Variants in TMEM132D observed in about 807,000 individuals in gnomAD.
The protein encoded by TMEM132D is mature OL transmembrane protein.
A neutral mutation model predicts 62.3 loss-of-function variants in TMEM132D; 21 were observed. The ratio of observed to expected loss-of-function variants is 0.34; its 90% confidence interval spans 0.24 to 0.49. The LOEUF (loss-of-function observed/expected upper bound fraction) is 0.49. TMEM132D is among the 20% of genes least tolerant of loss of function. TMEM132D has a pLI of 0.99. For synonymous variants in TMEM132D, 621 were observed against 575.6 expected (o/e 1.08, Z -1.13); for missense variants, 1,346 against 1,402.8 (o/e 0.96, Z 0.65).
At chr12:129,375,056 G>C (rs541804664) in intron 3 of TMEM132D, among the ~76,000 whole-genome samples, 2 of 152,310 alleles carry the variant, frequency 1.3e-5, no homozygotes, top group East Asian at 3.9e-4. Context: ...CAGACCAGAG[G>C]AATTTTCAAA....
At chr12:129,103,027 A>C (rs992003945) in intron 5 of TMEM132D, among the ~76,000 whole-genome samples, 35 of 152,358 alleles carry the variant, frequency 2.3e-4, no homozygotes, top group Admixed American at 1.8e-3. Flanking sequence ...TTACGAAAGT[A>C]AACATCGTGG....
At chr12:129,784,880 G>T (rs879760556) in intron 1 of TMEM132D, among the ~76,000 whole-genome samples, 2 of 152,124 alleles carry the variant, frequency 1.3e-5, no homozygotes, top group African/African-American at 2.4e-5. Context: ...ATGCACACAG[G>T]CAATTTTCTG....
At chr12:129,714,606 G>A (rs1593131744) in intron 1 of TMEM132D, among the ~76,000 whole-genome samples, 1 of 152,288 alleles carries the variant, frequency 6.6e-6, no homozygotes, top group East Asian at 1.9e-4. Context: ...ATCTGCTAAA[G>A]TATCAGATCA....
Position 129,073,787 on chromosome 12 carries a change from T to C in TMEM132D, c.*88A>G. The C allele has an allele frequency of 8.2e-7, 1 of 1,215,034 alleles. No individual in the cohort carries two copies. The highest frequency in any genetic ancestry group is 1.2e-6 in the Non-Finnish European group (1 of 864,142). 75.3% of individuals were successfully genotyped at this position (1,215,034 alleles called of 1,614,324 possible). On this transcript the variant is annotated 3_prime_UTR_variant, in exon 9 of 9. Coordinates refer to ENST00000422113, the MANE Select transcript of TMEM132D (RefSeq NM_133448.3). Reference sequence around the variant, plus strand: ...GTCATCCTTATTTTGTCCTGCTGCTTTGTTTCTCTTCCGGGGGCACCGTTG... The same window carrying C: ...GTCATCCTTATTTTGTCCTGCTGCTCTGTTTCTCTTCCGGGGGCACCGTTG...
chr12:129,385,417 C>A (rs1222162846), intron 3 of TMEM132D, among the ~76,000 whole-genome samples: 2 of 151,978 alleles, frequency 1.3e-5, no homozygotes, highest in African/African-American at 4.8e-5. Flanking sequence ...TAAAGTGCTT[C>A]TTAAACATAC....
At chr12:129,132,030 T>C (rs1487689155) in intron 5 of TMEM132D, among the ~76,000 whole-genome samples, 3 of 152,206 alleles carry the variant, frequency 2.0e-5, no homozygotes, top group Admixed American at 6.5e-5. Context: ...AAAGTAATTA[T>C]CTCTATTTAC....
Position 129,383,528 on chromosome 12 carries a change from C to T in TMEM132D, c.1116-45711G>A, listed in dbSNP as rs150103153. Reference sequence around the variant, plus strand: ...GGAGTGGTGTGATCTTGGCTCACTGCACCCTCTGCCTCCTGGGTTCTGGTG... The same window carrying T: ...GGAGTGGTGTGATCTTGGCTCACTGTACCCTCTGCCTCCTGGGTTCTGGTG... On this transcript the variant is annotated intron_variant, in intron 3 of 8. Transcript: ENST00000422113. Among the ~76,000 whole-genome samples the T allele has an allele frequency of 7.5e-3, 1,140 of 152,290 alleles. 16 individuals carry two copies. The highest frequency in any genetic ancestry group is 0.026 in the African/African-American group (1,073 of 41,554).
chr12:129,179,267 T>C (rs907490879), intron 5 of TMEM132D, among the ~76,000 whole-genome samples: 3 of 152,278 alleles, frequency 2.0e-5, no homozygotes, highest in Middle Eastern at 3.4e-3. Flanking sequence ...TGAAATAAGC[T>C]TGAGACCCAA....
chr12:129,118,969 A>G (rs1371566128), intron 5 of TMEM132D, among the ~76,000 whole-genome samples: 1 of 152,172 alleles, frequency 6.6e-6, no homozygotes, highest in Non-Finnish European at 1.5e-5. Flanking sequence ...GCTCTGACAA[A>G]TGGAGTGCAC....
intron 1 of TMEM132D, among the ~76,000 whole-genome samples, chr12:129,900,959 ATAAC>A (rs1221122276): frequency 6.6e-6 from 1 of 152,224 alleles, no homozygotes; most frequent in African/African-American, 2.4e-5. Flanking sequence ...GGTTTGTTCT[ATAAC>A]TAATCATTTT....
At chr12:129,466,407 G>A (rs1873906446) in intron 3 of TMEM132D, among the ~76,000 whole-genome samples, 1 of 146,268 alleles carries the variant, frequency 6.8e-6, no homozygotes, top group South Asian at 2.3e-4. Flanking sequence ...GAACTCCTGG[G>A]CTAAAGCAAT....
intron 2 of TMEM132D, among the ~76,000 whole-genome samples, chr12:129,659,506 C>T (rs900134479): frequency 6.6e-6 from 1 of 152,002 alleles, no homozygotes; most frequent in Non-Finnish European, 1.5e-5. Context: ...TCTTCTGCTT[C>T]GATTGAGCAT....
intron 2 of TMEM132D, among the ~76,000 whole-genome samples, chr12:129,574,468 T>C (rs1877601928): frequency 6.6e-6 from 1 of 151,950 alleles, no homozygotes; most frequent in Non-Finnish European, 1.5e-5. Context: ...GCACTAGAAT[T>C]TGAATTTCTA....
chr12:129,394,129 C>T (rs1395098953), intron 3 of TMEM132D, among the ~76,000 whole-genome samples: 2 of 152,122 alleles, frequency 1.3e-5, no homozygotes, highest in Admixed American at 6.5e-5. Context: ...CAGCAACAGG[C>T]GGAGGATGCT....
In TMEM132D at chr12:129,091,004, T is replaced by A. The variant is rs560569211; in HGVS notation, c.1444-6302A>T. 1.1e-4 allele frequency among the ~76,000 whole-genome samples: 16 copies of A among 152,316 alleles called. No individual in the cohort carries two copies. The East Asian group carries it at 3.1e-3, about 29-fold the overall frequency. The stretch of plus-strand genomic sequence containing the variant: ...GAAAACAGAAGGGGAGGGAGCCGTG[T>A]GTTTCCAAGACAATTCGGAAAGGGT... On this transcript the variant is annotated intron_variant, in intron 5 of 8. Transcript: ENST00000422113.
At chr12:129,426,507 G>A (rs921581195) in intron 3 of TMEM132D, among the ~76,000 whole-genome samples, 3 of 152,202 alleles carry the variant, frequency 2.0e-5, no homozygotes, top group Non-Finnish European at 4.4e-5. Flanking sequence ...TGATGTCTCA[G>A]TCAGGTCATC....
chr12:129,337,898 G>A, intron 3 of TMEM132D, 81 bp from the exon 4 acceptor site: 1 of 1,443,366 alleles, frequency 6.9e-7, no homozygotes, highest in Non-Finnish European at 9.3e-7. Context: ...GCGGCCCTTG[G>A]CCATTTCTCT....
chr12:129,294,623 G>A (rs919035731), intron 4 of TMEM132D, among the ~76,000 whole-genome samples: 6 of 152,130 alleles, frequency 3.9e-5, no homozygotes, highest in African/African-American at 1.4e-4. Flanking sequence ...AGTCTAAAAT[G>A]TTTCTTACAT....
At chr12:129,190,674 C>G (rs1878370853) in intron 5 of TMEM132D, among the ~76,000 whole-genome samples, 1 of 152,130 alleles carries the variant, frequency 6.6e-6, no homozygotes, top group South Asian at 2.1e-4. Context: ...AGATATTCCC[C>G]TAGAACATCC....
Sources: allele counts gnomAD v4.1 joint callset (sites outside exome capture counted in the v4.1 genomes callset), GRCh38; gene constraint gnomAD v4.1.1; transcripts MANE v1.5; gene names NCBI Gene and HGNC (gene_info 2026-07-23, HGNC 2026-07-21).